The following SOX5 variants were observed in gnomAD, a reference collection of about 807,000 sequenced individuals.
SOX5 encodes SRY-box transcription factor 5.
In SOX5, 9 loss-of-function variants were observed where a neutral mutation model predicts 92.0. The ratio of observed to expected loss-of-function variants is 0.10; its 90% CI spans 0.06 to 0.17. SOX5 has a LOEUF of 0.17. Among genes scored for constraint, SOX5 ranks in the 10% least tolerant of loss-of-function variants. The pLI, the probability that SOX5 is intolerant of heterozygous loss-of-function variation, is 1.00. For synonymous variants in SOX5, 344 were observed against 336.3 expected (o/e 1.02, Z -0.25); for missense variants, 642 against 944.5 (o/e 0.68, Z 4.20).
intron 8 of SOX5, among the ~76,000 whole-genome samples, chr12:23,633,999 CAT>C (rs35792511): frequency 0.077 from 11,778 of 152,126 alleles, 591 homozygotes; most frequent in Non-Finnish European, 0.11. Flanking sequence ...GTGGATTTTT[CAT>C]ACTCTTAGAA....
intron 3 of SOX5, among the ~76,000 whole-genome samples, chr12:24,274,594 A>G (rs1359321363): frequency 6.6e-6 from 1 of 152,116 alleles, no homozygotes; most frequent in Non-Finnish European, 1.5e-5. Context: ...ATCTGTCTCC[A>G]ACGTCTATGC....
intron 4 of SOX5, among the ~76,000 whole-genome samples, chr12:24,126,379 G>A (rs868776031): frequency 2.0e-5 from 3 of 152,038 alleles, no homozygotes; most frequent in African/African-American, 4.8e-5. Context: ...TGCCACTCTC[G>A]GCATTCCTTA....
chr12:23,954,453 C>CAAAAA (rs200770197), upstream of SOX5, among the ~76,000 whole-genome samples: 1 of 149,362 alleles, frequency 6.7e-6, no homozygotes, highest in African/African-American at 2.5e-5. Context: ...CTTCCTCTTT[C>CAAAAA]AAAAAAAAAG....
chr12:24,483,933 T>C (rs2137845020), intron 1 of SOX5, among the ~76,000 whole-genome samples: 1 of 152,346 alleles, frequency 6.6e-6, no homozygotes, highest in East Asian at 1.9e-4. Flanking sequence ...ATGTGCTGAA[T>C]CAGATATATA....
intron 2 of SOX5, among the ~76,000 whole-genome samples, chr12:24,284,455 C>T (rs73060319): frequency 0.082 from 8,522 of 104,294 alleles, 801 homozygotes; most frequent in African/African-American, 0.25. Context: ...TGTGTGTGTG[C>T]GTGTCTTTCA....
At chr12:24,194,452 G>C (rs928777301) in intron 4 of SOX5, among the ~76,000 whole-genome samples, 4 of 146,254 alleles carry the variant, frequency 2.7e-5, no homozygotes, top group Non-Finnish European at 6.0e-5. Flanking sequence ...TAGGTAGGTA[G>C]GTAGAGAGAT....
chr12:23,719,632 C>T (rs2092696256), intron 6 of SOX5, among the ~76,000 whole-genome samples: 1 of 151,696 alleles, frequency 6.6e-6, no homozygotes, highest in Non-Finnish European at 1.5e-5. Flanking sequence ...TGGCATGCAC[C>T]TGTGGTCCTA....
At chr12:24,439,512 T>C (rs1293219852) in intron 1 of SOX5, among the ~76,000 whole-genome samples, 1 of 152,180 alleles carries the variant, frequency 6.6e-6, no homozygotes, top group Non-Finnish European at 1.5e-5. Context: ...TTCACTCAAG[T>C]GGAAGTGAAA....
intron 1 of SOX5, among the ~76,000 whole-genome samples, chr12:24,373,795 T>C (rs2136287028): frequency 6.6e-6 from 1 of 152,330 alleles, no homozygotes; most frequent in South Asian, 2.1e-4. Flanking sequence ...GATATGCTAC[T>C]TTCTGAAATA....
At chr12:24,231,964 C>T (rs1055665082) in intron 3 of SOX5, among the ~76,000 whole-genome samples, 1 of 152,198 alleles carries the variant, frequency 6.6e-6, no homozygotes, top group African/African-American at 2.4e-5. Context: ...AACTAGGAAT[C>T]TACTTTAGGG....
At chr12:23,537,805 T>C (rs1207053930) in intron 13 of SOX5, among the ~76,000 whole-genome samples, 1 of 152,198 alleles carries the variant, frequency 6.6e-6, no homozygotes, top group African/African-American at 2.4e-5. Flanking sequence ...GGGTTCTTGA[T>C]CTCACTGACT....
At chr12:24,424,811 G>GGA (rs1555286280) in intron 1 of SOX5, among the ~76,000 whole-genome samples, 8 of 149,432 alleles carry the variant, frequency 5.4e-5, no homozygotes, top group East Asian at 2.0e-4. Flanking sequence ...TTTTTTTTGG[G>GGA]GGGGGGGGAT....
intron 3 of SOX5, among the ~76,000 whole-genome samples, chr12:24,244,238 C>A (rs1023643312): frequency 2.6e-5 from 4 of 152,106 alleles, no homozygotes; most frequent in Non-Finnish European, 5.9e-5. Context: ...ACAACATCCA[C>A]GGGCGATCGG....
At chr12:23,974,981 A>G (rs1948749582) in intron 4 of SOX5, among the ~76,000 whole-genome samples, 1 of 152,150 alleles carries the variant, frequency 6.6e-6, no homozygotes, top group Non-Finnish European at 1.5e-5. Context: ...TCAATCTGAA[A>G]GTAAATAACT....
intron 8 of SOX5, among the ~76,000 whole-genome samples, chr12:23,624,731 T>G (rs1284790924): frequency 6.6e-6 from 1 of 152,208 alleles, no homozygotes; most frequent in Non-Finnish European, 1.5e-5. Flanking sequence ...TTGATGGAAC[T>G]GTCCCATATC....
intron 1 of SOX5, among the ~76,000 whole-genome samples, chr12:24,476,666 A>G (rs1945414801): frequency 6.6e-6 from 1 of 152,188 alleles, no homozygotes; most frequent in South Asian, 2.1e-4. Flanking sequence ...CCAAGTTACC[A>G]CACTGCACTG....
chr12:24,045,770 A>G (rs936375655), intron 4 of SOX5, among the ~76,000 whole-genome samples: 2 of 152,206 alleles, frequency 1.3e-5, no homozygotes, highest in Non-Finnish European at 2.9e-5. Flanking sequence ...TTATAAAATT[A>G]TCCCTCTGTA....
chr12:24,019,145 A>G (rs1202032751), intron 4 of SOX5, among the ~76,000 whole-genome samples: 2 of 151,880 alleles, frequency 1.3e-5, no homozygotes, highest in Non-Finnish European at 2.9e-5. Flanking sequence ...CAACTTTTAG[A>G]AAAAAAATGT....
chr12:23,742,512 A>C (rs568745286), intron 4 of SOX5, among the ~76,000 whole-genome samples: 11 of 152,192 alleles, frequency 7.2e-5, no homozygotes, highest in Non-Finnish European at 1.5e-4. Flanking sequence ...ATATTAAATA[A>C]TATAAATATA....
Sources: gnomAD v4.1 joint callset for allele counts (sites outside exome capture counted in the v4.1 genomes callset) on GRCh38, gnomAD v4.1.1 for gene constraint, MANE v1.5 for transcripts, NCBI Gene and HGNC (gene_info 2026-07-23, HGNC 2026-07-21) for gene names.